ADGRL2: variants seen among roughly 807,000 people sequenced by gnomAD.
ADGRL2 encodes the protein adhesion G protein-coupled receptor L2.
In ADGRL2, 44 loss-of-function variants were observed where a neutral mutation model predicts 157.4. That is an observed-to-expected ratio of 0.28 (90% confidence interval 0.22 to 0.36). The LOEUF is 0.36. Ranked by LOEUF, ADGRL2 falls within the 10% of genes least tolerant of loss-of-function variation. ADGRL2 has a pLI of 1.00. For synonymous variants in ADGRL2, 585 were observed against 624.7 expected (o/e 0.94, Z 0.95); for missense variants, 1,510 against 1,768.9 (o/e 0.85, Z 2.63).
At chr1:81,417,342 C>A (rs555087769) in intron 1 of ADGRL2, among the ~76,000 whole-genome samples, 162 of 152,136 alleles carry the variant, frequency 1.1e-3, no homozygotes, top group African/African-American at 3.7e-3. Flanking sequence ...AATTTTGGTT[C>A]ATTAACTTTA....
intron 3 of ADGRL2, among the ~76,000 whole-genome samples, chr1:81,602,740 A>C (rs2081357508): frequency 6.6e-6 from 1 of 151,862 alleles, no homozygotes; most frequent in Admixed American, 6.6e-5. Context: ...CCCTACTAAG[A>C]ATACAAAACT....
chr1:81,634,783 A>G (rs2082083713), intron 3 of ADGRL2, among the ~76,000 whole-genome samples: 1 of 151,986 alleles, frequency 6.6e-6, no homozygotes, highest in Admixed American at 6.6e-5. Context: ...CGGCCTCCCA[A>G]AGTGCTGGGA....
rs886536329 is a variant in ADGRL2 at position 81,993,652 on chromosome 1, C to T, written c.*2507C>T. On this transcript the variant is annotated 3_prime_UTR_variant, in exon 24 of 24. Transcript: ENST00000686636. ...AAATATATAAATATTGCCTTAAATT[C>T]CATCTAGGATTCCCTTAGTACAAGG... Among the ~76,000 whole-genome samples the T allele has an allele frequency of 1.4e-4, 21 of 152,094 alleles. No homozygotes were observed. Among genetic ancestry groups the T allele is most frequent in the African/African-American group, 5.1e-4 (21 of 41,412 alleles).
chr1:81,829,534 GA>G (rs2091782538), intron 1 of ADGRL2, among the ~76,000 whole-genome samples: 1 of 152,136 alleles, frequency 6.6e-6, no homozygotes, highest in South Asian at 2.1e-4. Context: ...GTTTTCCCAG[GA>G]AGGCAGAGTG....
At chr1:81,911,902 G>T (rs971493037) in intron 3 of ADGRL2, among the ~76,000 whole-genome samples, 4 of 149,344 alleles carry the variant, frequency 2.7e-5, no homozygotes, top group Non-Finnish European at 5.9e-5. Flanking sequence ...TTTGCGGGGG[G>T]ATGGATTGAA....
chr1:81,458,868 C>T (rs930712269), intron 2 of ADGRL2, among the ~76,000 whole-genome samples: 1 of 152,182 alleles, frequency 6.6e-6, no homozygotes, highest in Non-Finnish European at 1.5e-5. Context: ...ACAGTTCATT[C>T]GTTCCCACTG....
chr1:81,628,664 C>T (rs891008434), intron 3 of ADGRL2, among the ~76,000 whole-genome samples: 12 of 152,140 alleles, frequency 7.9e-5, no homozygotes, highest in African/African-American at 2.9e-4. Context: ...AGAATGCTTT[C>T]TTTACACCAT....
At chr1:81,806,191 A>AT in intron 1 of ADGRL2, among the ~76,000 whole-genome samples, 1 of 152,154 alleles carries the variant, frequency 6.6e-6, no homozygotes, top group South Asian at 2.1e-4. Context: ...AATAAGTATA[A>AT]TTTTTTCCAG....
At chr1:81,471,984 C>T (rs1202616293) in intron 2 of ADGRL2, among the ~76,000 whole-genome samples, 1 of 152,180 alleles carries the variant, frequency 6.6e-6, no homozygotes, top group African/African-American at 2.4e-5. Context: ...ACTCTTCAAT[C>T]TCTAACCCTC....
chr1:81,971,161 T>C (rs1658611449), intron 16 of ADGRL2, among the ~76,000 whole-genome samples: 1 of 152,126 alleles, frequency 6.6e-6, no homozygotes, highest in African/African-American at 2.4e-5. Flanking sequence ...ATAAAATTAG[T>C]TATATAAAGA....
Position 81,371,926 on chromosome 1 carries a change from C to T in ADGRL2, c.-302+65417C>T, listed in dbSNP as rs535798211. ...TGAAAGTAACAGATGTGTAAATAAACAAAGAAAAAAGGAATAAGTGCTAAA... is the reference window on the plus strand; with the variant it reads ...TGAAAGTAACAGATGTGTAAATAAATAAAGAAAAAAGGAATAAGTGCTAAA... On this transcript the variant is annotated intron_variant, in intron 1 of 24. Transcript: ENST00000370721. 5.4e-4 allele frequency among the ~76,000 whole-genome samples: 82 copies of T among 151,740 alleles called. 1 individual carries two copies. The South Asian group carries it at 6.9e-3, about 13-fold the overall frequency.
intron 3 of ADGRL2, among the ~76,000 whole-genome samples, chr1:81,912,959 C>T (rs1405521837): frequency 6.6e-6 from 1 of 152,116 alleles, no homozygotes. Context: ...TAGGGATAAA[C>T]TTCTAGGATT....
chr1:81,731,452 A>G (rs2084719533), intron 1 of ADGRL2, among the ~76,000 whole-genome samples: 1 of 152,150 alleles, frequency 6.6e-6, no homozygotes, highest in Non-Finnish European at 1.5e-5. Context: ...AATAAATGCC[A>G]TGACTTTGCA....
chr1:81,394,268 T>TA (rs1265636490), intron 1 of ADGRL2, among the ~76,000 whole-genome samples: 8 of 152,168 alleles, frequency 5.3e-5, no homozygotes, highest in African/African-American at 1.9e-4. Context: ...AAATTGTTAT[T>TA]TATAGTCACT....
chr1:81,916,606 A>C (rs3790905), intron 3 of ADGRL2, among the ~76,000 whole-genome samples: 41,201 of 151,898 alleles, frequency 0.27, 6,012 homozygotes, highest in Middle Eastern at 0.36. Context: ...AAGAATTTGG[A>C]ATTGTTTTTA....
In ADGRL2 at chr1:81,486,009, T is replaced by G. The variant is rs539225001; in HGVS notation, c.-248+40920T>G. Among the ~76,000 whole-genome samples, 185 of 152,308 alleles carry G rather than the reference T, an allele frequency of 1.2e-3. 1 individual carries two copies. The highest frequency in any genetic ancestry group is 4.2e-3 in the African/African-American group (176 of 41,566). ...AACTTCAAAAGTTTTTTTTATTACC[T>G]TCTATGGACAAGCCACTGTGCTAAT... On this transcript the variant is annotated intron_variant, in intron 2 of 24. Transcript: ENST00000370721.
chr1:81,955,617 A>G (rs1206977947), intron 10 of ADGRL2: 1 of 294,654 alleles, frequency 3.4e-6, no homozygotes, highest in African/African-American at 2.2e-5. Flanking sequence ...GTGTGATTAA[A>G]TAAATAGAAA....
chr1:81,882,213 CT>C (rs2094006235), intron 2 of ADGRL2, among the ~76,000 whole-genome samples: 1 of 151,710 alleles, frequency 6.6e-6, no homozygotes, highest in African/African-American at 2.4e-5. Context: ...TTTTCCCTTT[CT>C]TAATTGTTTG....
At chr1:81,535,576 A>C (rs2079715218) in intron 2 of ADGRL2, among the ~76,000 whole-genome samples, 1 of 152,198 alleles carries the variant, frequency 6.6e-6, no homozygotes, top group Non-Finnish European at 1.5e-5. Context: ...TAGAAACAAA[A>C]GTAACATTGG....
Sources: allele counts gnomAD v4.1 joint callset (sites outside exome capture counted in the v4.1 genomes callset), GRCh38; gene constraint gnomAD v4.1.1; transcripts MANE v1.5; gene names NCBI Gene and HGNC (gene_info 2026-07-23, HGNC 2026-07-21).